Variants in NDRG3 observed in about 807,000 individuals in gnomAD.
NDRG3 encodes the protein protein NDRG3.
NDRG3 carries 23 observed loss-of-function variants against 57.2 expected under a neutral mutation model. The observed-to-expected ratio is 0.40, with a 90% confidence interval of 0.29 to 0.57. The LOEUF is 0.57. Ranked by LOEUF, NDRG3 falls within the 20% of genes least tolerant of loss-of-function variation. The pLI is 0.42. For synonymous variants in NDRG3, 132 were observed against 162.6 expected (o/e 0.81, Z 1.43); for missense variants, 384 against 457.3 (o/e 0.84, Z 1.46).
intron 1 of NDRG3, among the ~76,000 whole-genome samples, chr20:36,723,322 T>G (rs188548128): frequency 6.6e-6 from 1 of 152,308 alleles, no homozygotes; most frequent in East Asian, 1.9e-4. Context: ...TATCTCACCA[T>G]GCAAGAAGCC....
intron 1 of NDRG3, among the ~76,000 whole-genome samples, chr20:36,735,790 A>T (rs1985574394): frequency 6.6e-6 from 1 of 152,104 alleles, no homozygotes; most frequent in Non-Finnish European, 1.5e-5. Context: ...GAAGTTCAAG[A>T]TCAGCCTGGC....
Position 36,730,758 on chromosome 20 carries a change from G to C in NDRG3, c.-48-8975C>G, listed in dbSNP as rs540832504. ...AGGCCAGGAGTTCGAGACCAGCCTG[G>C]CCAATATGGTAGAACCCCGTCACTA... On this transcript the variant is annotated intron_variant, in intron 1 of 15. Transcript: ENST00000349004. 2.6e-5 allele frequency among the ~76,000 whole-genome samples: 4 copies of C among 151,926 alleles called. No homozygotes were observed. The South Asian group carries it at 6.2e-4, about 24-fold the overall frequency.
At chr20:36,662,272 G>A (rs1244908083) in intron 12 of NDRG3, among the ~76,000 whole-genome samples, 1 of 148,970 alleles carries the variant, frequency 6.7e-6, no homozygotes, top group Non-Finnish European at 1.5e-5. Flanking sequence ...CTGTCTCCCA[G>A]GCTGGGGTGC....
At chr20:36,737,625 A>T (rs1188298871) in intron 1 of NDRG3, among the ~76,000 whole-genome samples, 1 of 152,176 alleles carries the variant, frequency 6.6e-6, no homozygotes, top group Non-Finnish European at 1.5e-5. Context: ...GCCAAAGGTC[A>T]CACAGCTAGC....
intron 13 of NDRG3, among the ~76,000 whole-genome samples, chr20:36,659,075 A>G (rs1978927565): frequency 6.6e-6 from 1 of 151,266 alleles, no homozygotes; most frequent in South Asian, 2.1e-4. Flanking sequence ...CAGCTTCCTG[A>G]GTAGCTGGGG....
intron 3 of NDRG3, among the ~76,000 whole-genome samples, chr20:36,691,295 C>A (rs1031675810): frequency 1.3e-5 from 2 of 152,166 alleles, no homozygotes; most frequent in Non-Finnish European, 2.9e-5. Context: ...CCAAATCAAA[C>A]CATGTGTGAC....
chr20:36,661,281 T>C (rs1359788571), intron 12 of NDRG3, among the ~76,000 whole-genome samples: 1 of 152,248 alleles, frequency 6.6e-6, no homozygotes, highest in African/African-American at 2.4e-5. Context: ...TGCATTCACA[T>C]GTCTGATATC....
chr20:36,658,796 G>C (rs1234649797), intron 13 of NDRG3, among the ~76,000 whole-genome samples: 1 of 152,110 alleles, frequency 6.6e-6, no homozygotes, highest in Non-Finnish European at 1.5e-5. Context: ...TAGATATTTA[G>C]CATAAGAGTT....
chr20:36,653,350 A>T lies in NDRG3; in HGVS notation c.*170T>A. The T allele has an allele frequency of 3.3e-6, 2 of 601,164 alleles. No individual in the cohort carries two copies. The highest frequency in any genetic ancestry group is 3.7e-5 in the African/African-American group (2 of 54,142). The allele number at this position is 601,164 out of a possible 1,614,324, so 37.2% of individuals were successfully genotyped here. A position where few individuals can be genotyped will look rare whatever the true frequency, so the allele number is the denominator to read the frequency against. Reference sequence around the variant, plus strand: ...TGGAAGTGGTTCTTGGGCTATACAAAAAAGGGGGTGGGCAGGCAGAGAGAA... The same window carrying T: ...TGGAAGTGGTTCTTGGGCTATACAATAAAGGGGGTGGGCAGGCAGAGAGAA... On this transcript the variant is annotated 3_prime_UTR_variant, in exon 16 of 16. Coordinates refer to ENST00000349004, the MANE Select transcript of NDRG3 (RefSeq NM_032013.4). The surrounding 1 kb of genome is among the most constrained non-coding windows in gnomAD (Gnocchi z 4.2).
At chr20:36,667,463 A>G (rs751862074) in intron 9 of NDRG3, among the ~76,000 whole-genome samples, 11 of 152,080 alleles carry the variant, frequency 7.2e-5, no homozygotes, top group Admixed American at 3.9e-4. Flanking sequence ...TCTTATTACC[A>G]ATACTTTTAA....
chr20:36,705,296 T>C (rs1323611785), intron 3 of NDRG3, among the ~76,000 whole-genome samples: 1 of 140,246 alleles, frequency 7.1e-6, no homozygotes, highest in Non-Finnish European at 1.5e-5. Context: ...CACTCCAGCC[T>C]GGGCGACTGA....
At chr20:36,741,782 T>C (rs867608060) in intron 1 of NDRG3, among the ~76,000 whole-genome samples, 30 of 152,210 alleles carry the variant, frequency 2.0e-4, no homozygotes, top group Middle Eastern at 3.2e-3. Flanking sequence ...ATCTGGGAAC[T>C]TGTTAGAACT....
intron 5 of NDRG3, among the ~76,000 whole-genome samples, chr20:36,686,039 G>A (rs1981760359): frequency 6.6e-6 from 1 of 152,106 alleles, no homozygotes; most frequent in Non-Finnish European, 1.5e-5. Flanking sequence ...TTACAGAATT[G>A]GAGATGGAAT....
Position 36,737,166 on chromosome 20 carries a change from C to A in NDRG3, c.-49+8879G>T, listed in dbSNP as rs769360065. On this transcript the variant is annotated intron_variant, in intron 1 of 15. Coordinates refer to ENST00000349004, the MANE Select transcript of NDRG3 (RefSeq NM_032013.4). ...AAATAACTGCTAGAACAAAGCAAGACCCATCTAGGAGCCTTCTTGTTAATC... is the reference window on the plus strand; with the variant it reads ...AAATAACTGCTAGAACAAAGCAAGAACCATCTAGGAGCCTTCTTGTTAATC... Among the ~76,000 whole-genome samples, 3 of 152,216 alleles carry A rather than the reference C, an allele frequency of 2.0e-5. No individual in the cohort carries two copies. The South Asian group carries it at 6.2e-4, about 32-fold the overall frequency.
chr20:36,679,239 G>A (rs1372774360), intron 8 of NDRG3, among the ~76,000 whole-genome samples: 4 of 152,194 alleles, frequency 2.6e-5, no homozygotes, highest in Middle Eastern at 3.2e-3. Context: ...CATTACAGGC[G>A]TGAGCTACCA....
At chr20:36,725,248 G>T (rs1489729082) in intron 1 of NDRG3, among the ~76,000 whole-genome samples, 3 of 151,984 alleles carry the variant, frequency 2.0e-5, no homozygotes, top group African/African-American at 7.3e-5. Flanking sequence ...AGTAAGCTGA[G>T]ATTGCGCCAC....
At chr20:36,743,959 G>C (rs1350844022) in intron 1 of NDRG3, among the ~76,000 whole-genome samples, 1 of 128,156 alleles carries the variant, frequency 7.8e-6, no homozygotes, top group East Asian at 2.3e-4. Context: ...GGAGTGCAGT[G>C]GCGCGATCTC....
At chr20:36,683,568 G>A (rs1486950981) in intron 6 of NDRG3, among the ~76,000 whole-genome samples, 3 of 151,646 alleles carry the variant, frequency 2.0e-5, no homozygotes, top group Non-Finnish European at 2.9e-5. Context: ...AGTGAGCTGC[G>A]ATCGCACCAC....
chr20:36,729,736 C>T (rs1279995557), intron 1 of NDRG3, among the ~76,000 whole-genome samples: 1 of 151,938 alleles, frequency 6.6e-6, no homozygotes, highest in Non-Finnish European at 1.5e-5. Context: ...CTTTGTTGCC[C>T]AGGCTGGTCT....
Sources: gnomAD v4.1 joint callset for allele counts (sites outside exome capture counted in the v4.1 genomes callset) on GRCh38, gnomAD v4.1.1 for gene constraint, Gnocchi (gnomAD v3.1) non-coding constraint, MANE v1.5 for transcripts, NCBI Gene and HGNC (gene_info 2026-07-23, HGNC 2026-07-21) for gene names.